The following DST variants were observed in gnomAD, a reference collection of about 807,000 sequenced individuals.
DST encodes bullous pemphigoid antigen.
In DST, 253 loss-of-function variants were observed where a neutral mutation model predicts 875.2. The observed-to-expected ratio is 0.29, with a 90% confidence interval of 0.26 to 0.32. The LOEUF is 0.32. DST is among the 10% of genes least tolerant of loss of function. DST has a pLI of 1.00. For missense variants in DST, 8,287 were observed against 9,111.6 expected (o/e 0.91, Z 3.68); for synonymous variants, 3,124 against 3,197.1 (o/e 0.98, Z 0.77).
chr6:56,487,081 A>C, intron 87 of DST, 23 bp downstream of exon 87: 1 of 1,612,588 alleles, frequency 6.2e-7, no homozygotes, highest in Non-Finnish European at 8.5e-7. Context: ...AGAGTAACCA[A>C]ACTGTCTTAA....
At chr6:56,788,687 T>C (rs1172121760) in intron 4 of DST, among the ~76,000 whole-genome samples, 2 of 152,206 alleles carry the variant, frequency 1.3e-5, no homozygotes, top group Non-Finnish European at 2.9e-5. Flanking sequence ...ATTAACAGTC[T>C]AGATATTTTT....
chr6:56,606,754 G>T lies in DST; in HGVS notation c.7874C>A (p.Ser2625Tyr), dbSNP rs758168314. ...TPLFEDDDHD[S>Y]LLLDGDDRDC... Reference sequence around the variant, plus strand: ...ACGATCATCACCATCAAGAAGCAAAGAATCATGGTCATCATCTTCAAACAA... The same window carrying T: ...ACGATCATCACCATCAAGAAGCAAATAATCATGGTCATCATCTTCAAACAA... The change falls in exon 40 of 104, where the codon TCT (serine) becomes TAT (tyrosine). Residue 2625 changes from serine (S) to tyrosine (Y), a missense_variant. Physicochemically the swap from Ser to Tyr is moderately radical, Grantham distance 144. This residue lies in a region of DST where 3,138 missense variants were observed against 3,116.6 expected (regional missense o/e 1.01). Coordinates refer to ENST00000680361, the MANE Select transcript of DST (RefSeq NM_001374736.1). The T allele has an allele frequency of 6.2e-7, 1 of 1,613,398 alleles. No homozygotes were observed. The highest frequency in any genetic ancestry group is 1.1e-5 in the South Asian group (1 of 91,062).
At position 56,471,192 on chromosome 6, in the gene DST, C is replaced by T. The variant is rs749182501; in HGVS notation, c.22235G>A (p.Arg7412Gln). 3 of 1,606,254 alleles carry T rather than the reference C, an allele frequency of 1.9e-6. No homozygotes were observed. Among genetic ancestry groups the T allele is most frequent in the Non-Finnish European group, 1.7e-6 (2 of 1,175,690 alleles). Residue 7412 changes from arginine (R) to glutamine (Q), a missense_variant, in exon 95 of 104, where the codon CGA (arginine) becomes CAA (glutamine). Coordinates refer to ENST00000680361, the MANE Select transcript of DST (RefSeq NM_001374736.1). ...YMRWMNHKKS[R>Q]VMDFFRRIDK... ...AATTCTCCTGAAGAAGTCCATCACT[C>T]GAGATTTCTTGTGATTCATCCATCG...
intron 77 of DST, 131 bp downstream of exon 77, chr6:56,506,312 C>G: frequency 1.6e-6 from 1 of 638,096 alleles, no homozygotes; most frequent in Admixed American, 3.1e-5. Context: ...GATACACAGG[C>G]AACTGCAGGA....
At chr6:56,486,861 C>G (rs1159555038) in intron 87 of DST, among the ~76,000 whole-genome samples, 1 of 152,082 alleles carries the variant, frequency 6.6e-6, no homozygotes, top group Non-Finnish European at 1.5e-5. Context: ...TGGGTGTAGT[C>G]AAGTCTGAGA....
chr6:56,808,857 T>C (rs1192426278), intron 4 of DST, among the ~76,000 whole-genome samples: 2 of 152,216 alleles, frequency 1.3e-5, no homozygotes. Context: ...TCTGTGTTTA[T>C]CAGTCAGTGA....
chr6:56,892,171 G>T (rs1592146248), intron 3 of DST, among the ~76,000 whole-genome samples: 1 of 152,170 alleles, frequency 6.6e-6, no homozygotes, highest in East Asian at 1.9e-4. Flanking sequence ...TTAAACCAGT[G>T]GTTGTCTGAA....
intron 3 of DST, among the ~76,000 whole-genome samples, chr6:56,891,644 G>A (rs997862558): frequency 6.6e-6 from 1 of 151,570 alleles, no homozygotes. Context: ...AGGCTGAGAT[G>A]GGAAGGTTGA....
chr6:56,470,061 G>A, intron 96 of DST, 67 bp downstream of exon 96: 1 of 1,601,724 alleles, frequency 6.2e-7, no homozygotes, highest in Non-Finnish European at 8.6e-7. Context: ...ATGGTTGTAT[G>A]AATTGTGCAT....
intron 4 of DST, among the ~76,000 whole-genome samples, chr6:56,763,745 G>T (rs982307271): frequency 6.7e-6 from 1 of 148,986 alleles, no homozygotes; most frequent in African/African-American, 2.5e-5. Flanking sequence ...GGGTGGGGGT[G>T]GGGGGGAGAA....
chr6:56,920,895 A>ATTTTTT (rs35394550), intron 2 of DST, among the ~76,000 whole-genome samples: 3 of 59,678 alleles, frequency 5.0e-5, no homozygotes, highest in Non-Finnish European at 9.3e-5. Flanking sequence ...CGCCCAGCTA[A>ATTTTTT]TTTTTTTTTT....
chr6:56,620,896 G>A lies in DST; in HGVS notation c.4929+3634C>T, dbSNP rs375775482. 2.2e-4 allele frequency among the ~76,000 whole-genome samples: 34 copies of A among 152,038 alleles called. No homozygotes were observed. The East Asian group carries it at 6.4e-3, about 29-fold the overall frequency. On this transcript the variant is annotated intron_variant, in intron 36 of 103. Coordinates refer to ENST00000680361, the MANE Select transcript of DST (RefSeq NM_001374736.1). ...GAAGCCTCAGAAAGTCAGCAGAAGA[G>A]GACAAAAAACCCTTCACGACAGGTT... is the stretch of plus-strand genomic sequence containing the variant.
intron 2 of DST, among the ~76,000 whole-genome samples, chr6:56,921,831 A>T (rs1804412106): frequency 6.6e-6 from 1 of 152,188 alleles, no homozygotes; most frequent in Non-Finnish European, 1.5e-5. Context: ...TCTCCAACAT[A>T]TAAAAAAGGA....
intron 3 of DST, among the ~76,000 whole-genome samples, chr6:56,865,174 C>T (rs1562222358): frequency 6.6e-6 from 1 of 151,954 alleles, no homozygotes. Flanking sequence ...ACAGAAACAG[C>T]CTAGCCCAAT....
chr6:56,747,488 TCTC>T (rs2099576067), intron 4 of DST, among the ~76,000 whole-genome samples: 1 of 152,136 alleles, frequency 6.6e-6, no homozygotes. Flanking sequence ...GAATCTACCT[TCTC>T]CTACCTGAGC....
At chr6:56,505,814 C>A (rs914158161) in intron 77 of DST, among the ~76,000 whole-genome samples, 1 of 151,680 alleles carries the variant, frequency 6.6e-6, no homozygotes, top group Non-Finnish European at 1.5e-5. Context: ...TTGGCCTCAA[C>A]TGACAAGATA....
chr6:56,691,363 C>A (rs946029256), intron 9 of DST, among the ~76,000 whole-genome samples: 2 of 151,976 alleles, frequency 1.3e-5, no homozygotes, highest in Admixed American at 6.6e-5. Flanking sequence ...CAAGGTGTAG[C>A]GGTGTATATA....
At chr6:56,719,392 T>C (rs1214002619) in intron 5 of DST, among the ~76,000 whole-genome samples, 1 of 152,126 alleles carries the variant, frequency 6.6e-6, no homozygotes, top group Non-Finnish European at 1.5e-5. Context: ...AAAGCCGGGG[T>C]TATACATTAA....
chr6:56,765,012 T>A lies in DST; in HGVS notation c.626-29723A>T, dbSNP rs569059868. Among the ~76,000 whole-genome samples the A allele has an allele frequency of 4.1e-4, 51 of 125,906 alleles. 1 individual carries two copies. The highest frequency in any genetic ancestry group is 1.7e-3 in the African/African-American group (49 of 29,058). 82.6% of individuals were successfully genotyped at this position (125,906 alleles called of 152,430 possible). ...GAGGGAGGGAGGAAGGGAGGGAGGG[T>A]AAGAAGCAATAGGCACTAACTTCAG... On this transcript the variant is annotated intron_variant, in intron 4 of 103. Transcript: ENST00000680361.
Sources: allele counts gnomAD v4.1 joint callset (sites outside exome capture counted in the v4.1 genomes callset), GRCh38; gene constraint gnomAD v4.1.1; regional missense constraint gnomAD v4.1.1; transcripts MANE v1.5; gene names NCBI Gene and HGNC (gene_info 2026-07-23, HGNC 2026-07-21).